The following COMMD10 variants were observed in gnomAD, a reference collection of about 807,000 sequenced individuals.
COMMD10 encodes the protein COMM domain-containing protein 10.
COMMD10 carries 33 observed loss-of-function variants against 28.9 expected under a neutral mutation model. The ratio of observed to expected loss-of-function variants is 1.14; its 90% CI spans 0.87 to 1.53. The LOEUF (loss-of-function observed/expected upper bound fraction) is 1.53. Among genes scored for constraint, COMMD10 ranks in the 40% most tolerant of loss-of-function variants. The probability of loss-of-function intolerance (pLI) is 0.00; values close to 1 mark genes in which losing one functional copy is unlikely to be tolerated. For synonymous variants in COMMD10, 110 were observed against 81.7 expected, an observed-to-expected ratio of 1.35 and a Z score of -1.87; for missense variants, 310 against 233.4, an observed-to-expected ratio of 1.33 and a Z score of -2.14.
At chr5:116,154,398 A>G (rs933444381) in intron 5 of COMMD10, among the ~76,000 whole-genome samples, 5 of 152,268 alleles carry the variant, frequency 3.3e-5, no homozygotes, top group African/African-American at 1.2e-4. Flanking sequence ...AGTTACTTGC[A>G]TAAAAGTGTA....
In COMMD10 at chr5:116,293,084, A is replaced by G. The variant is rs1404728106; in HGVS notation, c.*595A>G. 5 of 396,852 alleles carry G rather than the reference A, an allele frequency of 1.3e-5. No individual in the cohort carries two copies. Among genetic ancestry groups the G allele is most frequent in the African/African-American group, 8.2e-5 (4 of 48,554 alleles). The allele number at this position is 396,852 out of a possible 1,614,324, so 24.6% of individuals were successfully genotyped here. ...AGTTTCTCTCTCAGTTTAATGATTT[A>G]ATAATAGTCCAGGTTTTTGTGTGTT... is the stretch of plus-strand genomic sequence containing the variant. On this transcript the variant is annotated 3_prime_UTR_variant, in exon 7 of 7. Coordinates refer to ENST00000274458, the MANE Select transcript of COMMD10 (RefSeq NM_016144.4).
chr5:116,251,339 T>G (rs1750113029), intron 5 of COMMD10, among the ~76,000 whole-genome samples: 1 of 149,414 alleles, frequency 6.7e-6, no homozygotes, highest in Non-Finnish European at 1.5e-5. Flanking sequence ...ATGTGCACAT[T>G]GTGCAGGTTA....
chr5:116,246,425 C>G, intron 5 of COMMD10, among the ~76,000 whole-genome samples: 1 of 151,712 alleles, frequency 6.6e-6, no homozygotes, highest in East Asian at 1.9e-4. Flanking sequence ...TTTATAGATT[C>G]AGTGCTATTC....
intron 4 of COMMD10, among the ~76,000 whole-genome samples, chr5:116,123,148 C>T (rs1259727268): frequency 6.6e-6 from 1 of 151,726 alleles, no homozygotes; most frequent in South Asian, 2.1e-4. Flanking sequence ...TTGAGATAAT[C>T]AATACTTAGT....
intron 5 of COMMD10, among the ~76,000 whole-genome samples, chr5:116,242,551 G>A (rs574108284): frequency 1.3e-5 from 2 of 152,198 alleles, no homozygotes; most frequent in Non-Finnish European, 2.9e-5. Flanking sequence ...AGTAGCTAGT[G>A]GCCTGCTTCC....
intron 5 of COMMD10, among the ~76,000 whole-genome samples, chr5:116,209,835 A>G (rs1347225931): frequency 6.6e-6 from 1 of 152,158 alleles, no homozygotes. Flanking sequence ...CATTCACAAG[A>G]ATGGTGACAT....
chr5:116,225,580 C>A (rs1289769963), intron 5 of COMMD10, among the ~76,000 whole-genome samples: 1 of 151,902 alleles, frequency 6.6e-6, no homozygotes, highest in Non-Finnish European at 1.5e-5. Context: ...CCTATAGGTC[C>A]CCCTTGTATA....
intron 5 of COMMD10, among the ~76,000 whole-genome samples, chr5:116,281,841 G>A (rs784479): frequency 0.48 from 72,227 of 151,496 alleles, 19,382 homozygotes; most frequent in African/African-American, 0.73. Context: ...TTGAACACCT[G>A]CATACCCTGG....
chr5:116,288,482 G>A (rs952101500), intron 5 of COMMD10, among the ~76,000 whole-genome samples: 2 of 151,730 alleles, frequency 1.3e-5, no homozygotes, highest in Non-Finnish European at 2.9e-5. Context: ...GTACATTTCT[G>A]TCCACAGATT....
chr5:116,273,490 A>G (rs370797138), intron 5 of COMMD10, among the ~76,000 whole-genome samples: 2 of 151,992 alleles, frequency 1.3e-5, no homozygotes, highest in African/African-American at 2.4e-5. Context: ...TTCAAGTTCA[A>G]AATTATTATT....
At chr5:116,191,122 G>A (rs754261580) in intron 5 of COMMD10, among the ~76,000 whole-genome samples, 2 of 152,138 alleles carry the variant, frequency 1.3e-5, no homozygotes, top group African/African-American at 2.4e-5. Context: ...AGGGGTAGAG[G>A]AAGCAGCAGA....
At chr5:116,258,432 T>G (rs1446988353) in intron 5 of COMMD10, among the ~76,000 whole-genome samples, 1 of 149,832 alleles carries the variant, frequency 6.7e-6, no homozygotes, top group Non-Finnish European at 1.5e-5. Flanking sequence ...CCACCACATC[T>G]TTTTTTCTCT....
At chr5:116,168,613 A>G (rs892281216) in intron 5 of COMMD10, among the ~76,000 whole-genome samples, 1 of 152,222 alleles carries the variant, frequency 6.6e-6, no homozygotes, top group African/African-American at 2.4e-5. Flanking sequence ...ATGCAAAAGA[A>G]TGGAAATCAT....
intron 5 of COMMD10, among the ~76,000 whole-genome samples, chr5:116,168,363 C>G (rs988026189): frequency 6.6e-6 from 1 of 152,088 alleles, no homozygotes; most frequent in Non-Finnish European, 1.5e-5. Context: ...TATGAAGAGA[C>G]TTAGACTCAC....
intron 5 of COMMD10, among the ~76,000 whole-genome samples, chr5:116,183,059 G>A (rs1311622704): frequency 1.3e-5 from 2 of 152,040 alleles, no homozygotes; most frequent in East Asian, 1.9e-4. Context: ...CAGTGAAACC[G>A]CTTTTCTTTG....
intron 5 of COMMD10, among the ~76,000 whole-genome samples, chr5:116,202,662 CTT>C (rs1307268005): frequency 1.3e-5 from 2 of 151,820 alleles, no homozygotes; most frequent in Non-Finnish European, 2.9e-5. Context: ...TTTCATGTGT[CTT>C]TTGGCTGCAT....
intron 5 of COMMD10, among the ~76,000 whole-genome samples, chr5:116,134,729 C>G (rs1427703732): frequency 6.6e-6 from 1 of 152,164 alleles, no homozygotes; most frequent in Admixed American, 6.5e-5. Flanking sequence ...TCACGCCATT[C>G]TCCTGCCTCA....
chr5:116,204,425 ATCC>A (rs1362639999), intron 5 of COMMD10, among the ~76,000 whole-genome samples: 2 of 151,748 alleles, frequency 1.3e-5, no homozygotes, highest in East Asian at 1.9e-4. Context: ...TGTTTTCTCC[ATCC>A]TCCTTTTTTT....
At chr5:116,250,670 GCTAA>G (rs1750087872) in intron 5 of COMMD10, among the ~76,000 whole-genome samples, 1 of 151,854 alleles carries the variant, frequency 6.6e-6, no homozygotes, top group Non-Finnish European at 1.5e-5. Flanking sequence ...ATGGGAATGA[GCTAA>G]CTGATGGAAC....
Sources: allele counts gnomAD v4.1 joint callset (sites outside exome capture counted in the v4.1 genomes callset), GRCh38; gene constraint gnomAD v4.1.1; transcripts MANE v1.5; gene names NCBI Gene and HGNC (gene_info 2026-07-23, HGNC 2026-07-21).